Variants in CCDC178 observed in about 807,000 individuals in gnomAD.
CCDC178 encodes coiled-coil domain containing 178.
CCDC178 carries 126 observed loss-of-function variants against 117.4 expected under a neutral mutation model. The observed-to-expected ratio is 1.07, with a 90% confidence interval of 0.93 to 1.24. The LOEUF (loss-of-function observed/expected upper bound fraction) is 1.24, where lower values mean the gene tolerates loss of function less well. Ranked by LOEUF, CCDC178 falls within the 50% of genes most tolerant of loss-of-function variation. The probability of loss-of-function intolerance (pLI) is 0.00; values close to 1 mark genes in which losing one functional copy is unlikely to be tolerated. For synonymous variants in CCDC178, 283 were observed against 313.4 expected (o/e 0.90, Z 1.02); for missense variants, 1,030 against 986.9 (o/e 1.04, Z -0.59).
At chr18:33,440,351 G>T in intron 1 of CCDC178, 1 of 139,458 alleles carries the variant, frequency 7.2e-6, no homozygotes. Context: ...GGGGACAGGG[G>T]TTGGAGGACT....
chr18:33,363,501 A>G (rs1053535650), intron 6 of CCDC178, among the ~76,000 whole-genome samples: 6 of 152,138 alleles, frequency 3.9e-5, no homozygotes, highest in African/African-American at 1.4e-4. Flanking sequence ...CTGGGTTCTA[A>G]TAAAAAAACA....
At chr18:33,000,463 G>T (rs551089563) in intron 21 of CCDC178, among the ~76,000 whole-genome samples, 71 of 152,214 alleles carry the variant, frequency 4.7e-4, no homozygotes, top group African/African-American at 1.7e-3. Context: ...CCTAGAGAAA[G>T]ATTTCAATAT....
intron 11 of CCDC178, among the ~76,000 whole-genome samples, chr18:33,317,009 T>C (rs1039244380): frequency 1.3e-5 from 2 of 152,054 alleles, no homozygotes; most frequent in African/African-American, 4.8e-5. Context: ...AACAGAACAA[T>C]TGGCTCTCTG....
chr18:33,412,202 T>TA (rs1466518742), intron 2 of CCDC178, 92 bp from the exon 3 acceptor site: 3 of 503,968 alleles, frequency 6.0e-6, no homozygotes, highest in African/African-American at 2.0e-5. Flanking sequence ...ACTGATAGTG[T>TA]AAAATGTAAG....
At chr18:33,302,065 G>A (rs1289478182) in intron 11 of CCDC178, among the ~76,000 whole-genome samples, 1 of 152,108 alleles carries the variant, frequency 6.6e-6, no homozygotes, top group Non-Finnish European at 1.5e-5. Context: ...GCTTTGTGGT[G>A]TCCTCAGGAT....
intron 22 of CCDC178, among the ~76,000 whole-genome samples, chr18:32,944,384 T>C (rs2054301422): frequency 6.6e-6 from 1 of 152,128 alleles, no homozygotes; most frequent in African/African-American, 2.4e-5. Flanking sequence ...GAAAGGCAGA[T>C]AGAAAATAGA....
intron 19 of CCDC178, among the ~76,000 whole-genome samples, chr18:33,213,362 C>G (rs1041782974): frequency 3.9e-5 from 6 of 151,926 alleles, no homozygotes; most frequent in Non-Finnish European, 8.8e-5. Context: ...AGGTTCTTCT[C>G]CTCTTTCATC....
At chr18:33,012,972 C>T (rs1490148696) in intron 21 of CCDC178, among the ~76,000 whole-genome samples, 1 of 152,142 alleles carries the variant, frequency 6.6e-6, no homozygotes, top group Admixed American at 6.5e-5. Flanking sequence ...TCAGCCTATG[C>T]TCTAAACAGT....
At chr18:33,371,275 G>A (rs1490449803) in intron 5 of CCDC178, among the ~76,000 whole-genome samples, 5 of 95,732 alleles carry the variant, frequency 5.2e-5, no homozygotes, top group Non-Finnish European at 1.5e-4. Flanking sequence ...TCTCATATAT[G>A]TGTGTGTGTG....
chr18:33,058,126 C>T (rs1034770969), intron 21 of CCDC178, among the ~76,000 whole-genome samples: 5 of 152,078 alleles, frequency 3.3e-5, no homozygotes, highest in Non-Finnish European at 7.4e-5. Context: ...TACCATATGA[C>T]CTGACTCAGG....
intron 2 of CCDC178, among the ~76,000 whole-genome samples, chr18:33,425,528 A>G (rs2064109455): frequency 1.3e-5 from 2 of 152,190 alleles, no homozygotes; most frequent in Non-Finnish European, 2.9e-5. Context: ...GTTTTATAAT[A>G]TAAAGCTTCA....
intron 21 of CCDC178, among the ~76,000 whole-genome samples, chr18:33,089,190 T>C (rs1003579186): frequency 3.9e-5 from 6 of 152,132 alleles, no homozygotes; most frequent in Non-Finnish European, 5.9e-5. Context: ...ATATCATATA[T>C]AATTTACATG....
At chr18:33,122,135 C>T (rs1350556647) in intron 20 of CCDC178, among the ~76,000 whole-genome samples, 4 of 152,088 alleles carry the variant, frequency 2.6e-5, no homozygotes, top group South Asian at 4.1e-4. Context: ...CTATGAAATA[C>T]AAAAGTGTCC....
chr18:33,077,665 A>T (rs1567974089), intron 21 of CCDC178, among the ~76,000 whole-genome samples: 1 of 152,172 alleles, frequency 6.6e-6, no homozygotes, highest in Non-Finnish European at 1.5e-5. Context: ...TGTGCACACA[A>T]ACTAGAAAAC....
chr18:33,210,417 T>C (rs989850923), intron 20 of CCDC178, among the ~76,000 whole-genome samples: 1 of 151,970 alleles, frequency 6.6e-6, no homozygotes, highest in Non-Finnish European at 1.5e-5. Context: ...CTCAATAATT[T>C]AGAGGCTGGT....
intron 20 of CCDC178, among the ~76,000 whole-genome samples, chr18:33,162,150 G>A (rs1271587715): frequency 1.3e-5 from 2 of 152,158 alleles, no homozygotes; most frequent in Non-Finnish European, 2.9e-5. Flanking sequence ...CATGGACACA[G>A]GAAAGGGAAC....
At chr18:33,294,030 C>T (rs1599118235) in intron 11 of CCDC178, among the ~76,000 whole-genome samples, 1 of 152,212 alleles carries the variant, frequency 6.6e-6, no homozygotes, top group East Asian at 1.9e-4. Context: ...TTATTGCTTT[C>T]ACAGGCTTAG....
At chr18:33,101,572 T>G (rs1309071604) in intron 20 of CCDC178, among the ~76,000 whole-genome samples, 7 of 151,972 alleles carry the variant, frequency 4.6e-5, no homozygotes, top group Non-Finnish European at 8.8e-5. Flanking sequence ...AGAATTAATG[T>G]GCTGCCTTCT....
At chr18:33,256,072 A>G (rs2144729815) in intron 14 of CCDC178, among the ~76,000 whole-genome samples, 1 of 151,720 alleles carries the variant, frequency 6.6e-6, no homozygotes, top group East Asian at 1.9e-4. Flanking sequence ...TTTTGGTAGC[A>G]TGGGATTTAA....
Sources: gnomAD v4.1 joint callset for allele counts (sites outside exome capture counted in the v4.1 genomes callset) on GRCh38, gnomAD v4.1.1 for gene constraint, MANE v1.5 for transcripts, NCBI Gene and HGNC (gene_info 2026-07-23, HGNC 2026-07-21) for gene names.